PRKCE: variants seen among roughly 807,000 people sequenced by gnomAD.
PRKCE encodes the protein protein kinase C epsilon type.
PRKCE carries 16 observed loss-of-function variants against 85.4 expected under a neutral mutation model. That is an observed-to-expected ratio of 0.19 (90% CI 0.13 to 0.28). The LOEUF is 0.28. PRKCE is among the 10% of genes least tolerant of loss of function. PRKCE has a pLI of 1.00. For missense variants in PRKCE, 573 were observed against 975.2 expected, an observed-to-expected ratio of 0.59 and a Z score of 5.49; for synonymous variants, 388 against 371.5, an observed-to-expected ratio of 1.04 and a Z score of -0.51.
rs1680517271 is a variant in PRKCE at position 46,187,343 on chromosome 2, A to C, written c.*2462A>C. On this transcript the variant is annotated 3_prime_UTR_variant, in exon 15 of 15. Coordinates refer to ENST00000306156, the MANE Select transcript of PRKCE (RefSeq NM_005400.3). ...TGTCCCAGAAAGGGCCCTTTTCAGC[A>C]CCCAAAGCTGGGCTGGCTGGGATGC... 1 of 152,326 alleles carries C rather than the reference A, an allele frequency of 6.6e-6. No homozygotes were observed. The allele number at this position is 152,326 out of a possible 1,614,324, so 9.4% of individuals were successfully genotyped here. A position where few individuals can be genotyped will look rare whatever the true frequency, so the allele number is the denominator to read the frequency against.
chr2:45,950,725 G>A (rs1700563534), intron 2 of PRKCE, among the ~76,000 whole-genome samples: 1 of 152,074 alleles, frequency 6.6e-6, no homozygotes, highest in Non-Finnish European at 1.5e-5. Context: ...AAGGGGCGGG[G>A]TGCAGATCCA....
intron 1 of PRKCE, among the ~76,000 whole-genome samples, chr2:45,759,799 C>T (rs1332199080): frequency 3.3e-5 from 5 of 152,250 alleles, no homozygotes; most frequent in Non-Finnish European, 5.9e-5. Flanking sequence ...CTTAGGAGTC[C>T]GGCATTCAGA....
At chr2:46,032,109 T>C (rs1707564308) in intron 10 of PRKCE, among the ~76,000 whole-genome samples, 1 of 152,250 alleles carries the variant, frequency 6.6e-6, no homozygotes, top group Non-Finnish European at 1.5e-5. Context: ...TTAAAACATG[T>C]ATGGCCTTTA....
At chr2:45,661,534 T>G (rs1439153982) in intron 1 of PRKCE, among the ~76,000 whole-genome samples, 1 of 134,358 alleles carries the variant, frequency 7.4e-6, no homozygotes, top group African/African-American at 2.9e-5. Context: ...TTTTTTGTTT[T>G]TTTTTTTTTT....
chr2:45,742,266 C>A (rs2104651970), intron 1 of PRKCE, among the ~76,000 whole-genome samples: 1 of 151,576 alleles, frequency 6.6e-6, no homozygotes, highest in East Asian at 1.9e-4. Flanking sequence ...GAAAAAAAAA[C>A]ACCACACAAC....
In PRKCE at chr2:46,150,769, G is replaced by A. The variant is rs191369313; in HGVS notation, c.1732-272G>A. Among the ~76,000 whole-genome samples the A allele has an allele frequency of 2.5e-3, 377 of 152,286 alleles. 3 individuals carry two copies. Among genetic ancestry groups the A allele is most frequent in the African/African-American group, 8.4e-3 (350 of 41,548 alleles). On this transcript the variant is annotated intron_variant, in intron 12 of 14. Transcript: ENST00000306156. ...AAAATGTGGCCCTCATGCCAGTCAG[G>A]AACTTTATCTGGTGCTCAAAGAAAT...
intron 2 of PRKCE, among the ~76,000 whole-genome samples, chr2:45,921,823 C>T (rs1238635979): frequency 6.6e-6 from 1 of 152,144 alleles, no homozygotes; most frequent in African/African-American, 2.4e-5. Context: ...ACAGAAAGGA[C>T]TCAATACATG....
At chr2:45,783,185 G>A (rs1573339328) in intron 1 of PRKCE, among the ~76,000 whole-genome samples, 1 of 152,260 alleles carries the variant, frequency 6.6e-6, no homozygotes, top group East Asian at 1.9e-4. Flanking sequence ...CTAAATGCTG[G>A]AATGACTTCC....
intron 10 of PRKCE, among the ~76,000 whole-genome samples, chr2:46,052,698 A>T (rs965532813): frequency 6.6e-6 from 1 of 152,252 alleles, no homozygotes; most frequent in Non-Finnish European, 1.5e-5. Flanking sequence ...AGAAGAGCCA[A>T]TGCAACCTTG....
intron 6 of PRKCE, among the ~76,000 whole-genome samples, chr2:45,990,179 C>G (rs1482456658): frequency 6.6e-6 from 1 of 152,200 alleles, no homozygotes; most frequent in Non-Finnish European, 1.5e-5. Context: ...GGGCTGTTGT[C>G]TCATCTGAAA....
At chr2:45,775,182 G>A (rs946934174) in intron 1 of PRKCE, among the ~76,000 whole-genome samples, 5 of 152,132 alleles carry the variant, frequency 3.3e-5, no homozygotes, top group Admixed American at 1.3e-4. Context: ...TTGCTCATAA[G>A]GAACTAAGGC....
chr2:46,177,761 A>G (rs17034719), intron 14 of PRKCE, among the ~76,000 whole-genome samples: 4,610 of 152,328 alleles, frequency 0.03, 86 homozygotes, highest in East Asian at 0.086. Context: ...TAACATGGTA[A>G]AATTGGATTG....
At chr2:46,050,231 C>G (rs1169288286) in intron 10 of PRKCE, among the ~76,000 whole-genome samples, 3 of 152,212 alleles carry the variant, frequency 2.0e-5, no homozygotes, top group African/African-American at 7.2e-5. Flanking sequence ...TGCCAAGACT[C>G]GAGCACTGGT....
intron 2 of PRKCE, among the ~76,000 whole-genome samples, chr2:45,869,702 C>CTTTTTT (rs201819838): frequency 1.1e-4 from 13 of 122,620 alleles, no homozygotes; most frequent in East Asian, 6.2e-4. Context: ...TTGTTTCTCT[C>CTTTTTT]TCTCTTTTTT....
chr2:45,742,168 A>G (rs934846873), intron 1 of PRKCE, among the ~76,000 whole-genome samples: 7 of 152,132 alleles, frequency 4.6e-5, no homozygotes, highest in South Asian at 2.1e-4. Context: ...CGAAAAGGAA[A>G]CCCACAGAAT....
chr2:45,920,686 C>G (rs1698186204), intron 2 of PRKCE, among the ~76,000 whole-genome samples: 1 of 151,904 alleles, frequency 6.6e-6, no homozygotes, highest in African/African-American at 2.4e-5. Context: ...CAGGGAAATC[C>G]ATGGAGACAG....
At chr2:45,743,184 C>G (rs1343920141) in intron 1 of PRKCE, among the ~76,000 whole-genome samples, 1 of 151,968 alleles carries the variant, frequency 6.6e-6, no homozygotes, top group Non-Finnish European at 1.5e-5. Context: ...GTTCTGGAAA[C>G]CTAATGTACA....
chr2:45,824,143 A>C (rs148304871), intron 1 of PRKCE, among the ~76,000 whole-genome samples: 3 of 152,162 alleles, frequency 2.0e-5, no homozygotes, highest in African/African-American at 7.2e-5. Context: ...GTTGGTGGAG[A>C]GGTAATCTTG....
In PRKCE at chr2:45,652,098, A is replaced by AC; in HGVS notation, c.-1dup. ...ACCCCGGCCCCCACTCCCCGCCCCG[A>AC]CCATGGTAGTGTTCAATGGCCTTCT... On this transcript the variant is annotated 5_prime_UTR_variant, in exon 1 of 15. Transcript: ENST00000306156. This position sits in a 1 kb window ranked among gnomAD's most constrained non-coding sequence, Gnocchi z 7.7. The AC allele has an allele frequency of 5.2e-6, 5 of 957,524 alleles. No homozygotes were observed. The highest frequency in any genetic ancestry group is 3.7e-5 in the East Asian group (1 of 26,888). The allele number at this position is 957,524 out of a possible 1,614,324, so 59.3% of individuals were successfully genotyped here.
Sources: allele counts gnomAD v4.1 joint callset (sites outside exome capture counted in the v4.1 genomes callset), GRCh38; gene constraint gnomAD v4.1.1; non-coding constraint Gnocchi (gnomAD v3.1); transcripts MANE v1.5; gene names NCBI Gene and HGNC (gene_info 2026-07-23, HGNC 2026-07-21).